DROSHA: variants seen among roughly 807,000 people sequenced by gnomAD.
DROSHA encodes the protein drosha ribonuclease III.
In DROSHA, 56 loss-of-function variants were observed where a neutral mutation model predicts 181.9. That is an observed-to-expected ratio of 0.31 (90% CI 0.25 to 0.38). The LOEUF is 0.38. Among genes scored for constraint, DROSHA ranks in the 10% least tolerant of loss-of-function variants. DROSHA has a pLI of 1.00. For synonymous variants in DROSHA, 524 were observed against 591.2 expected, an observed-to-expected ratio of 0.89 and a Z score of 1.65; for missense variants, 1,218 against 1,743.5, an observed-to-expected ratio of 0.70 and a Z score of 5.37.
At chr5:31,517,140 C>T (rs1028651038) in intron 6 of DROSHA, among the ~76,000 whole-genome samples, 25 of 152,192 alleles carry the variant, frequency 1.6e-4, no homozygotes, top group African/African-American at 4.8e-4. Flanking sequence ...ATGTTTCATG[C>T]TTAAGTCTTT....
In DROSHA at chr5:31,400,833, T is replaced by A. The variant is rs2149980649; in HGVS notation, c.*599A>T. Reference sequence around the variant, plus strand: ...AATCATGATTTCTCTCCTATTCTAATGATTCAAAGAATCTGTATGACTTGA... The same window carrying A: ...AATCATGATTTCTCTCCTATTCTAAAGATTCAAAGAATCTGTATGACTTGA... On this transcript the variant is annotated 3_prime_UTR_variant, in exon 36 of 36. Transcript: ENST00000344624. 6.5e-6 allele frequency: 1 copy of A among 154,686 alleles called. No homozygotes were observed. The highest frequency in any genetic ancestry group is 2.0e-4 in the South Asian group (1 of 4,978). 9.6% of individuals were successfully genotyped at this position (154,686 alleles called of 1,614,324 possible). A position where few individuals can be genotyped will look rare whatever the true frequency, so the allele number is the denominator to read the frequency against.
rs559245557 is a variant in DROSHA at position 31,468,924 on chromosome 5, G to A, written c.2242-861C>T. ...AACAATGCCCAACAATTAGAGTCTG[G>A]TTGGCTGCCTGGTTTCCCTGGGACA... On this transcript the variant is annotated intron_variant, in intron 17 of 35. Coordinates refer to ENST00000344624, the MANE Select transcript of DROSHA (RefSeq NM_001382508.1). Among the ~76,000 whole-genome samples the A allele has an allele frequency of 2.0e-5, 3 of 152,290 alleles. No homozygotes were observed. The East Asian group carries it at 5.8e-4, about 29-fold the overall frequency.
rs935667093 is a variant in DROSHA at position 31,471,000 on chromosome 5, T to G, written c.2241+1063A>C. ...TTACATATTTCTTTTAAAGTTACTT[T>G]AATAATTATGTGGCTTAACAGTATA... On this transcript the variant is annotated intron_variant, in intron 17 of 35. Transcript: ENST00000344624. This position sits in a 1 kb window ranked among gnomAD's most constrained non-coding sequence, Gnocchi z 4.0. 6.6e-6 allele frequency among the ~76,000 whole-genome samples: 1 copy of G among 152,268 alleles called. No homozygotes were observed. Among genetic ancestry groups the G allele is most frequent in the Non-Finnish European group, 1.5e-5 (1 of 68,046 alleles).
intron 11 of DROSHA, among the ~76,000 whole-genome samples, chr5:31,501,936 C>T (rs1162188465): frequency 2.0e-5 from 3 of 152,138 alleles, no homozygotes; most frequent in African/African-American, 4.8e-5. Flanking sequence ...ATGCATGCAC[C>T]GCAGTGGATG....
intron 19 of DROSHA, among the ~76,000 whole-genome samples, chr5:31,465,945 A>G (rs1345603538): frequency 2.0e-5 from 3 of 152,202 alleles, no homozygotes; most frequent in Non-Finnish European, 4.4e-5. Context: ...ACCCAGTCTC[A>G]GGTATTCCTT....
chr5:31,436,217 C>T (rs1024865224), intron 24 of DROSHA, among the ~76,000 whole-genome samples: 5 of 152,110 alleles, frequency 3.3e-5, no homozygotes, highest in Non-Finnish European at 5.9e-5. Flanking sequence ...GGCTGTGTTA[C>T]GTGTGGCCCC....
chr5:31,508,758 C>A lies in DROSHA; in HGVS notation c.1450G>T (p.Glu484Ter). ...DEDLESSSES[E>*]CESDEDSTCS... ...GTGCTGTCCTCATCAGACTCACACT[C>A]GGATTCACTGGAACTCTCTAACAGG... Residue 484 changes from glutamate (E) to a stop codon, truncating the protein, a stop_gained, in exon 10 of 36, where the codon GAG becomes TAG. Transcript: ENST00000344624. LOFTEE classifies it high-confidence loss of function. 6.2e-7 allele frequency: 1 copy of A among 1,613,628 alleles called. No individual in the cohort carries two copies. The highest frequency in any genetic ancestry group is 1.1e-5 in the South Asian group (1 of 91,032).
Position 31,421,871 on chromosome 5 carries a change from C to CAAAAAA in DROSHA, c.3420-500_3420-495dup, listed in dbSNP as rs70955711. 36 of 25,422 alleles carry CAAAAAA rather than the reference C, an allele frequency of 1.4e-3. 1 individual carries two copies. The highest frequency in any genetic ancestry group is 3.8e-3 in the African/African-American group (18 of 4,726). 1.6% of individuals were successfully genotyped at this position (25,422 alleles called of 1,614,324 possible). A position where few individuals can be genotyped will look rare whatever the true frequency, so the allele number is the denominator to read the frequency against. Reference sequence around the variant, plus strand: ...GCAACATGAAGAAACCCCATCTCTACAAAAAAAAAAAAAAAAAAAAAAAAT... The same window carrying CAAAAAA: ...GCAACATGAAGAAACCCCATCTCTACAAAAAAAAAAAAAAAAAAAAAAAAAAAAAAT... On this transcript the variant is annotated intron_variant, in intron 29 of 35. Coordinates refer to ENST00000344624, the MANE Select transcript of DROSHA (RefSeq NM_001382508.1).
At chr5:31,466,101 A>C (rs1418108691) in intron 19 of DROSHA, 81 bp downstream of exon 19, 1 of 1,369,850 alleles carries the variant, frequency 7.3e-7, no homozygotes, top group African/African-American at 1.4e-5. Flanking sequence ...TTGTACCAGA[A>C]GTATAGTGTG....
At chr5:31,492,166 AT>A (rs1228399998) in intron 13 of DROSHA, among the ~76,000 whole-genome samples, 2 of 152,232 alleles carry the variant, frequency 1.3e-5, no homozygotes, top group South Asian at 2.1e-4. Context: ...TTATGAAATG[AT>A]TTTATTTTTA....
intron 11 of DROSHA, among the ~76,000 whole-genome samples, chr5:31,504,238 A>T (rs1737647339): frequency 6.6e-6 from 1 of 152,158 alleles, no homozygotes; most frequent in Admixed American, 6.5e-5. Context: ...AGGGCCATTC[A>T]TAGCCACTTA....
rs796537388 is a variant in DROSHA, at chr5:31,500,069, G to A, written c.1668+4486C>T. On this transcript the variant is annotated intron_variant, in intron 11 of 35. Transcript: ENST00000344624. Reference sequence around the variant, plus strand: ...GATTCCTCTAAATCATCTGACTGCAGAGATGGCACATCCCTCCCAATTAAG... The same window carrying A: ...GATTCCTCTAAATCATCTGACTGCAAAGATGGCACATCCCTCCCAATTAAG... Among the ~76,000 whole-genome samples the A allele has an allele frequency of 2.0e-5, 3 of 152,260 alleles. No homozygotes were observed. The South Asian group carries it at 6.2e-4, about 32-fold the overall frequency.
chr5:31,490,736 AT>A (rs1752304588), intron 13 of DROSHA, among the ~76,000 whole-genome samples: 1 of 152,202 alleles, frequency 6.6e-6, no homozygotes, highest in Admixed American at 6.5e-5. Flanking sequence ...TGGTAAAGCA[AT>A]TTAACAATTC....
intron 3 of DROSHA, among the ~76,000 whole-genome samples, chr5:31,529,321 C>G (rs1740949289): frequency 6.6e-6 from 1 of 152,124 alleles, no homozygotes; most frequent in African/African-American, 2.4e-5. Context: ...TTTGCCAACT[C>G]AAAACTATCA....
chr5:31,415,274 C>A (rs949027237), intron 30 of DROSHA, among the ~76,000 whole-genome samples: 3 of 152,104 alleles, frequency 2.0e-5, no homozygotes, highest in Non-Finnish European at 4.4e-5. Flanking sequence ...AATATAAGAA[C>A]ACGGGGTGAA....
chr5:31,473,839 T>A (rs1291941417), intron 16 of DROSHA, among the ~76,000 whole-genome samples: 2 of 152,156 alleles, frequency 1.3e-5, no homozygotes, highest in African/African-American at 2.4e-5. Flanking sequence ...AAGAGGCCAC[T>A]GTGGATGGTG....
chr5:31,495,264 A>G, intron 12 of DROSHA, 22 bp downstream of exon 12: 1 of 1,606,982 alleles, frequency 6.2e-7, no homozygotes, highest in Non-Finnish European at 8.5e-7. Flanking sequence ...AATGATATGC[A>G]TGTGATTCTT....
At chr5:31,465,567 A>G (rs1160167506) in intron 19 of DROSHA, among the ~76,000 whole-genome samples, 1 of 152,204 alleles carries the variant, frequency 6.6e-6, no homozygotes, top group Non-Finnish European at 1.5e-5. Flanking sequence ...AGAAACTGGC[A>G]TTTTAGGGAT....
chr5:31,427,707 C>G (rs555558044), intron 27 of DROSHA, among the ~76,000 whole-genome samples: 10 of 152,288 alleles, frequency 6.6e-5, no homozygotes, highest in African/African-American at 2.2e-4. Flanking sequence ...CTCTCCACCC[C>G]CACAACACAG....
Sources: gnomAD v4.1 joint callset for allele counts (sites outside exome capture counted in the v4.1 genomes callset) on GRCh38, gnomAD v4.1.1 for gene constraint, Gnocchi (gnomAD v3.1) non-coding constraint, MANE v1.5 for transcripts, NCBI Gene and HGNC (gene_info 2026-07-23, HGNC 2026-07-21) for gene names.